TBC1D32: variants seen among roughly 807,000 people sequenced by gnomAD.
TBC1D32 encodes protein broad-minded.
In TBC1D32, 151 loss-of-function variants were observed where a neutral mutation model predicts 170.3. The ratio of observed to expected loss-of-function variants is 0.89; its 90% CI spans 0.78 to 1.01. TBC1D32 has a LOEUF of 1.01. Among genes scored for constraint, TBC1D32 ranks in the 50% least tolerant of loss-of-function variants. The pLI is 0.00. For synonymous variants in TBC1D32, 498 were observed against 488.0 expected (o/e 1.02, Z -0.27); for missense variants, 1,464 against 1,457.1 (o/e 1.00, Z -0.08).
At chr6:121,112,799 C>G (rs1779317915) in intron 28 of TBC1D32, 140 bp from the exon 29 acceptor site, 13 of 828,444 alleles carry the variant, frequency 1.6e-5, no homozygotes, top group Non-Finnish European at 1.7e-6. Context: ...TTTAAATATT[C>G]TTAGACATGT....
chr6:121,272,037 G>A (rs1002039110), intron 15 of TBC1D32, among the ~76,000 whole-genome samples: 4 of 152,110 alleles, frequency 2.6e-5, no homozygotes, highest in Non-Finnish European at 4.4e-5. Context: ...ATGGTGCTGG[G>A]AAAACTGGCT....
At chr6:121,197,035 G>C (rs562258169) in intron 22 of TBC1D32, among the ~76,000 whole-genome samples, 187 of 152,272 alleles carry the variant, frequency 1.2e-3, no homozygotes, top group African/African-American at 4.3e-3. Context: ...CCATTAAACT[G>C]GAAGTTAAGG....
At chr6:121,313,274 A>ATTT (rs1164149264) in intron 3 of TBC1D32, among the ~76,000 whole-genome samples, 4 of 125,510 alleles carry the variant, frequency 3.2e-5, no homozygotes, top group African/African-American at 9.4e-5. Flanking sequence ...CCTGGCCTTA[A>ATTT]TTTTTTTTTT....
intron 20 of TBC1D32, chr6:121,224,237 T>C (rs1794828365): frequency 6.6e-6 from 1 of 152,192 alleles, no homozygotes; most frequent in Non-Finnish European, 1.5e-5. Context: ...ATTATCTCAC[T>C]TGATATGCTT....
intron 21 of TBC1D32, among the ~76,000 whole-genome samples, chr6:121,219,105 T>C (rs1583269076): frequency 6.6e-6 from 1 of 152,158 alleles, no homozygotes; most frequent in African/African-American, 2.4e-5. Flanking sequence ...AGTTAGGTAG[T>C]TGGGCAAAGA....
At chr6:121,253,354 T>A (rs1480914291) in intron 17 of TBC1D32, among the ~76,000 whole-genome samples, 1 of 150,808 alleles carries the variant, frequency 6.6e-6, no homozygotes, top group Non-Finnish European at 1.5e-5. Flanking sequence ...TGAAAAAAAA[T>A]GTTCAACATC....
chr6:121,323,205 C>A (rs928761519), intron 1 of TBC1D32, among the ~76,000 whole-genome samples: 2 of 152,134 alleles, frequency 1.3e-5, no homozygotes, highest in Non-Finnish European at 2.9e-5. Context: ...CTGTACATCC[C>A]TGACTTTCAT....
At chr6:121,182,065 A>T (rs1332468155) in intron 22 of TBC1D32, among the ~76,000 whole-genome samples, 2 of 152,094 alleles carry the variant, frequency 1.3e-5, no homozygotes, top group Non-Finnish European at 2.9e-5. Flanking sequence ...ACCCAAAAAT[A>T]TATACACTGT....
At chr6:121,304,267 A>G (rs1199874732) in intron 8 of TBC1D32, 98 bp downstream of exon 8, 15 of 1,030,522 alleles carry the variant, frequency 1.5e-5, no homozygotes, top group Middle Eastern at 4.9e-4. Context: ...CCAATCAGGT[A>G]AGTCCATTAA....
intron 24 of TBC1D32, among the ~76,000 whole-genome samples, chr6:121,156,737 AAAGT>A (rs34618829): frequency 0.66 from 100,028 of 151,532 alleles, 38,152 homozygotes; most frequent in Non-Finnish European, 0.85. Flanking sequence ...AGTTTCAAAG[AAAGT>A]TTTTATTTCT....
chr6:121,142,060 T>C (rs1804579507), intron 24 of TBC1D32, among the ~76,000 whole-genome samples: 4 of 152,248 alleles, frequency 2.6e-5, no homozygotes, highest in Admixed American at 2.0e-4. Context: ...CGACAAATTG[T>C]GTTTGCTCCA....
Position 121,321,729 on chromosome 6 carries a change from T to C in TBC1D32, c.221A>G (p.Glu74Gly), listed in dbSNP as rs566951967. The C allele has an allele frequency of 6.2e-7, 1 of 1,614,080 alleles. No homozygotes were observed. Among genetic ancestry groups the C allele is most frequent in the Admixed American group, 1.7e-5 (1 of 60,020 alleles). ...CCGATCAGATGTGCATTTTTCCATT[T>C]CTTCTTCAATCATAGAACCCAAAGT... ...GNTLGSMIEEEMEKCTSDRNQ... is the reference protein window; with the variant it reads ...GNTLGSMIEEGMEKCTSDRNQ... The change falls in exon 2 of 32, where the codon GAA becomes GGA. Residue 74 changes from glutamate to glycine, a missense_variant. Physicochemically the swap from Glu to Gly is moderately conservative, Grantham distance 98 (BLOSUM62 -2). Transcript: ENST00000398212.
At chr6:121,292,398 C>T (rs1042059536) in intron 11 of TBC1D32, among the ~76,000 whole-genome samples, 1 of 152,080 alleles carries the variant, frequency 6.6e-6, no homozygotes, top group African/African-American at 2.4e-5. Flanking sequence ...TCTTAAAAAG[C>T]AGCCTCAGAA....
rs188218580 is a variant in TBC1D32, at chr6:121,283,918, A to C, written c.1373-8T>G. 2 of 1,544,624 alleles carry C rather than the reference A, an allele frequency of 1.3e-6. No individual in the cohort carries two copies. Among genetic ancestry groups the C allele is most frequent in the Admixed American group, 3.6e-5 (2 of 55,620 alleles). On this transcript the variant is annotated splice_polypyrimidine_tract_variant and splice_region_variant and intron_variant, in intron 12 of 31. Coordinates refer to ENST00000398212, the MANE Select transcript of TBC1D32 (RefSeq NM_152730.6). Reference sequence around the variant, plus strand: ...CTATGAGGGATACCAAACCTTTAAAAAGAAAATAAAGAGAAAATTAATTTC... The same window carrying C: ...CTATGAGGGATACCAAACCTTTAAACAGAAAATAAAGAGAAAATTAATTTC...
intron 31 of TBC1D32, among the ~76,000 whole-genome samples, chr6:121,086,630 T>C: frequency 6.6e-6 from 1 of 152,162 alleles, no homozygotes; most frequent in East Asian, 1.9e-4. Flanking sequence ...CAAGATTTAG[T>C]TGATGCATTT....
chr6:121,142,050 C>T (rs6908123), intron 24 of TBC1D32, among the ~76,000 whole-genome samples: 12,975 of 152,216 alleles, frequency 0.085, 1,156 homozygotes, highest in African/African-American at 0.23. Context: ...TGTTTATTAC[C>T]GACAAATTGT....
chr6:121,312,128 G>A (rs1424681984), intron 3 of TBC1D32, among the ~76,000 whole-genome samples: 2 of 152,146 alleles, frequency 1.3e-5, no homozygotes, highest in East Asian at 3.9e-4. Flanking sequence ...TCACTCATAA[G>A]TGGGAGTTGA....
chr6:121,081,275 G>A (rs1245575075), intron 31 of TBC1D32, among the ~76,000 whole-genome samples: 1 of 152,088 alleles, frequency 6.6e-6, no homozygotes, highest in Non-Finnish European at 1.5e-5. Flanking sequence ...AGAAATATCT[G>A]TTGTATAAGC....
intron 22 of TBC1D32, among the ~76,000 whole-genome samples, chr6:121,192,855 G>A (rs914806476): frequency 6.6e-6 from 1 of 152,150 alleles, no homozygotes; most frequent in Non-Finnish European, 1.5e-5. Context: ...TGTCTGAGGA[G>A]ACAAACCTTG....
Sources: gnomAD v4.1 joint callset for allele counts (sites outside exome capture counted in the v4.1 genomes callset) on GRCh38, gnomAD v4.1.1 for gene constraint, MANE v1.5 for transcripts, NCBI Gene and HGNC (gene_info 2026-07-23, HGNC 2026-07-21) for gene names.